Variants in DTL observed in about 807,000 individuals in gnomAD.
The protein encoded by DTL is denticleless protein homolog.
Under a neutral mutation model 87.0 loss-of-function variants are expected in DTL, and 46 were observed. The observed-to-expected ratio is 0.53, with a 90% CI of 0.42 to 0.68. The LOEUF (loss-of-function observed/expected upper bound fraction) is 0.68, where lower values mean the gene tolerates loss of function less well. Among genes scored for constraint, DTL ranks in the 30% least tolerant of loss-of-function variants. DTL has a pLI of 0.00. For missense variants in DTL, 737 were observed against 869.4 expected (o/e 0.85, Z 1.91); for synonymous variants, 308 against 311.2 (o/e 0.99, Z 0.11).
intron 8 of DTL, 40 bp from the exon 9 acceptor site, chr1:212,068,184 G>A (rs1279124191): frequency 7.2e-7 from 1 of 1,392,392 alleles, no homozygotes. Context: ...TTTGGGGTTG[G>A]AAGAAGGTCT....
intron 7 of DTL, among the ~76,000 whole-genome samples, chr1:212,065,287 T>C (rs569400270): frequency 6.6e-6 from 1 of 152,322 alleles, no homozygotes; most frequent in Non-Finnish European, 1.5e-5. Flanking sequence ...TTTATTTTGG[T>C]TTTAAAGAAT....
intron 13 of DTL, among the ~76,000 whole-genome samples, chr1:212,086,583 T>C (rs1185870682): frequency 8.1e-6 from 1 of 122,914 alleles, no homozygotes; most frequent in Non-Finnish European, 1.7e-5. Context: ...AGAGATGGGG[T>C]TTCGCCATGT....
chr1:212,097,607 A>T (rs1400518252), intron 13 of DTL, among the ~76,000 whole-genome samples: 1 of 151,578 alleles, frequency 6.6e-6, no homozygotes, highest in South Asian at 2.1e-4. Flanking sequence ...TTCTCTGGAG[A>T]TTTTTTTCGT....
chr1:212,037,740 G>C (rs1485855142), intron 1 of DTL, among the ~76,000 whole-genome samples: 1 of 152,172 alleles, frequency 6.6e-6, no homozygotes, highest in Non-Finnish European at 1.5e-5. Flanking sequence ...GTGTATCAGC[G>C]AGTGACCTCG....
At position 212,100,928 on chromosome 1, in the gene DTL, G is replaced by T. The variant is rs1229015455; in HGVS notation, c.1938G>T (p.Gly646=). Residue 646 remains glycine (G), a synonymous_variant, in exon 14 of 15, where the codon GGG becomes GGT. Transcript: ENST00000366991. ...LPLPLRPCGE[G]SEMVGKENSS... ...TTCCTTTGAGACCTTGTGGAGAAGG[G>T]TCTGAAATGGTAGGCAAAGAGAATA... 1 of 1,614,166 alleles carries T rather than the reference G, an allele frequency of 6.2e-7. No homozygotes were observed. Among genetic ancestry groups the T allele is most frequent in the South Asian group, 1.1e-5 (1 of 91,074 alleles).
chr1:212,047,734 C>T (rs1212465002), intron 5 of DTL, among the ~76,000 whole-genome samples: 1 of 152,130 alleles, frequency 6.6e-6, no homozygotes, highest in Non-Finnish European at 1.5e-5. Context: ...CGGGGTTTCA[C>T]CATGTTGGCC....
rs898275387 is a variant in DTL, at chr1:212,057,045, G to A, written c.461-5839G>A. ...ATATGAATTTTCAGTGTCCCAGAAG[G>A]CAAAGATAAAATGAAAGGGTTAGAA... On this transcript the variant is annotated intron_variant, in intron 5 of 14. Coordinates refer to ENST00000366991, the MANE Select transcript of DTL (RefSeq NM_016448.4). Among the ~76,000 whole-genome samples, 3 of 152,100 alleles carry A rather than the reference G, an allele frequency of 2.0e-5. No homozygotes were observed. In the East Asian group the frequency reaches 5.8e-4, roughly 29 times the overall value.
At chr1:212,046,509 T>G (rs1055613393) in intron 3 of DTL, among the ~76,000 whole-genome samples, 1 of 152,150 alleles carries the variant, frequency 6.6e-6, no homozygotes, top group Non-Finnish European at 1.5e-5. Context: ...TTCTCGTTGT[T>G]CAGCTCCCAC....
At chr1:212,072,874 C>T (rs1343771434) in intron 11 of DTL, among the ~76,000 whole-genome samples, 1 of 151,716 alleles carries the variant, frequency 6.6e-6, no homozygotes, top group East Asian at 1.9e-4. Context: ...CGCCATTCTC[C>T]TGCCTCAGCC....
At chr1:212,073,732 ATTTC>A (rs1034247467) in intron 11 of DTL, among the ~76,000 whole-genome samples, 1 of 152,126 alleles carries the variant, frequency 6.6e-6, no homozygotes, top group South Asian at 2.1e-4. Flanking sequence ...CTACAAGCAT[ATTTC>A]TTTCTTTTGT....
At chr1:212,074,722 C>T (rs1033398470) in intron 11 of DTL, among the ~76,000 whole-genome samples, 2 of 152,022 alleles carry the variant, frequency 1.3e-5, no homozygotes, top group Non-Finnish European at 2.9e-5. Context: ...TTAGATTGCT[C>T]TTCTACGTGT....
intron 5 of DTL, among the ~76,000 whole-genome samples, chr1:212,059,779 C>CAAAAAAA (rs58890148): frequency 3.1e-4 from 25 of 80,188 alleles, no homozygotes; most frequent in Non-Finnish European, 4.5e-4. Flanking sequence ...AAAGACTCTA[C>CAAAAAAA]AAAAAAAAAA....
intron 12 of DTL, 121 bp from the exon 13 acceptor site, chr1:212,080,494 A>G (rs1057182906): frequency 3.4e-6 from 3 of 873,764 alleles, no homozygotes; most frequent in South Asian, 4.1e-5. Context: ...ATTATTTTCT[A>G]TATCCTGTTT....
At chr1:212,043,284 A>G (rs1039395366) in intron 2 of DTL, among the ~76,000 whole-genome samples, 166 bp downstream of exon 2, 5 of 152,224 alleles carry the variant, frequency 3.3e-5, no homozygotes, top group Non-Finnish European at 7.3e-5. Flanking sequence ...ACTTTTCTTA[A>G]TCTCTATACA....
At chr1:212,078,301 A>C (rs1571969452) in intron 12 of DTL, 39 bp downstream of exon 12, 3 of 1,245,826 alleles carry the variant, frequency 2.4e-6, no homozygotes, top group Non-Finnish European at 3.5e-6. Flanking sequence ...TAAAATGTAG[A>C]TCACAGGTTT....
intron 5 of DTL, among the ~76,000 whole-genome samples, chr1:212,049,693 G>A (rs889415354): frequency 6.6e-6 from 1 of 152,196 alleles, no homozygotes; most frequent in East Asian, 1.9e-4. Context: ...CACTCCATCA[G>A]CCATAAGCCC....
intron 13 of DTL, among the ~76,000 whole-genome samples, chr1:212,086,550 T>C (rs1014724261): frequency 6.6e-6 from 1 of 152,010 alleles, no homozygotes; most frequent in Non-Finnish European, 1.5e-5. Flanking sequence ...CCACCACGCC[T>C]GGATAATTTT....
intron 13 of DTL, among the ~76,000 whole-genome samples, chr1:212,092,972 T>C (rs893745280): frequency 2.0e-5 from 3 of 152,232 alleles, no homozygotes; most frequent in Non-Finnish European, 4.4e-5. Context: ...GTGGTTTTTA[T>C]TTACATTTCC....
intron 5 of DTL, chr1:212,051,939 C>T (rs943520859): frequency 2.5e-5 from 25 of 996,434 alleles, no homozygotes; most frequent in Middle Eastern, 2.8e-4. Context: ...AGGAACAACT[C>T]CATGTTTTCT....
Sources: allele counts gnomAD v4.1 joint callset (sites outside exome capture counted in the v4.1 genomes callset), GRCh38; gene constraint gnomAD v4.1.1; transcripts MANE v1.5; gene names NCBI Gene and HGNC (gene_info 2026-07-23, HGNC 2026-07-21).